The following OSBPL2 variants were observed in gnomAD, a reference collection of about 807,000 sequenced individuals.
OSBPL2 encodes the protein oxysterol binding protein like 2.
In OSBPL2, 18 loss-of-function variants were observed where a neutral mutation model predicts 58.4. That is an observed-to-expected ratio of 0.31 (90% CI 0.21 to 0.46). The LOEUF is 0.46. OSBPL2 is among the 20% of genes least tolerant of loss of function. OSBPL2 has a pLI of 1.00. For missense variants in OSBPL2, 461 were observed against 616.5 expected, an observed-to-expected ratio of 0.75 and a Z score of 2.67; for synonymous variants, 221 against 234.1, an observed-to-expected ratio of 0.94 and a Z score of 0.51.
intron 1 of OSBPL2, among the ~76,000 whole-genome samples, chr20:62,241,143 C>G (rs561457460): frequency 6.6e-6 from 1 of 151,966 alleles, no homozygotes; most frequent in South Asian, 2.1e-4. Flanking sequence ...TCCTCTGTGC[C>G]GTCCAGGAGA....
chr20:62,252,708 C>T (rs1035829943), intron 1 of OSBPL2, among the ~76,000 whole-genome samples: 13 of 152,204 alleles, frequency 8.5e-5, no homozygotes, highest in African/African-American at 2.2e-4. Flanking sequence ...TTAATTAGGT[C>T]GCGGTTCTGC....
intron 1 of OSBPL2, among the ~76,000 whole-genome samples, chr20:62,255,747 C>T (rs778664681): frequency 2.6e-5 from 4 of 152,214 alleles, no homozygotes; most frequent in East Asian, 1.9e-4. Flanking sequence ...TCAAGTGATC[C>T]GCCCACCTCA....
At chr20:62,285,171 T>C (rs2145972171) in intron 10 of OSBPL2, 1 of 152,384 alleles carries the variant, frequency 6.6e-6, no homozygotes, top group East Asian at 1.9e-4. Context: ...TTGTATTCAT[T>C]TGTGCTGTTA....
intron 1 of OSBPL2, among the ~76,000 whole-genome samples, chr20:62,252,389 G>A (rs886387178): frequency 6.6e-6 from 1 of 152,136 alleles, no homozygotes; most frequent in African/African-American, 2.4e-5. Flanking sequence ...GGTCGTGCAT[G>A]GGTTTTGCTA....
Position 62,243,696 on chromosome 20 carries a change from C to T in OSBPL2, c.-129+5099C>T, listed in dbSNP as rs187887518. On this transcript the variant is annotated intron_variant, in intron 1 of 13. Coordinates refer to ENST00000313733, the MANE Select transcript of OSBPL2 (RefSeq NM_144498.4). ...GGGAGGGTCTGGGGTGGGTCCTCAG[C>T]GGGGAGTCCAAGTGCTGGAGGCCCA... Among the ~76,000 whole-genome samples the T allele has an allele frequency of 8.6e-4, 131 of 152,172 alleles. 1 individual carries two copies. In the Middle Eastern group the frequency reaches 0.01, roughly 12 times the overall value.
At chr20:62,289,647 T>G (rs1316403781) in intron 12 of OSBPL2, among the ~76,000 whole-genome samples, 1 of 152,224 alleles carries the variant, frequency 6.6e-6, no homozygotes, top group African/African-American at 2.4e-5. Flanking sequence ...CTCACGCCTA[T>G]AACCCCAGCA....
At chr20:62,291,382 A>T (rs891036519) in intron 12 of OSBPL2, 16 of 394,902 alleles carry the variant, frequency 4.1e-5, no homozygotes, top group Admixed American at 1.8e-4. Flanking sequence ...CTGCTCGCAC[A>T]CCAGGGCATT....
chr20:62,261,600 C>G (rs1475727044), intron 3 of OSBPL2, among the ~76,000 whole-genome samples: 2 of 152,148 alleles, frequency 1.3e-5, no homozygotes, highest in African/African-American at 2.4e-5. Context: ...CTCCTGCATT[C>G]CCCGTTTTCT....
intron 1 of OSBPL2, among the ~76,000 whole-genome samples, chr20:62,246,075 C>T (rs1476874024): frequency 2.0e-5 from 3 of 152,222 alleles, no homozygotes; most frequent in African/African-American, 7.2e-5. Flanking sequence ...GCCATTCCCG[C>T]GTCTCCTCGC....
intron 13 of OSBPL2, among the ~76,000 whole-genome samples, chr20:62,293,401 A>C (rs1983655415): frequency 6.6e-6 from 1 of 152,132 alleles, no homozygotes; most frequent in African/African-American, 2.4e-5. Context: ...GTCCTCAGTT[A>C]AAAAAACCAA....
At chr20:62,240,021 T>A (rs1979617961) in intron 1 of OSBPL2, among the ~76,000 whole-genome samples, 1 of 152,102 alleles carries the variant, frequency 6.6e-6, no homozygotes, top group Admixed American at 6.5e-5. Context: ...CCCGCCTAAT[T>A]TTTTTATTTT....
At chr20:62,280,065 A>G in intron 7 of OSBPL2, 1 of 1,304,336 alleles carries the variant, frequency 7.7e-7, no homozygotes, top group South Asian at 1.2e-5. Context: ...GCCGGCCGCT[A>G]AGACCCGACA....
At chr20:62,261,654 G>T (rs1026481447) in intron 3 of OSBPL2, among the ~76,000 whole-genome samples, 2 of 152,138 alleles carry the variant, frequency 1.3e-5, no homozygotes, top group African/African-American at 2.4e-5. Flanking sequence ...AGGTCCTTCA[G>T]TTCTTCCATT....
chr20:62,262,428 C>G (rs1037840590), intron 3 of OSBPL2, among the ~76,000 whole-genome samples: 1 of 152,200 alleles, frequency 6.6e-6, no homozygotes, highest in African/African-American at 2.4e-5. Flanking sequence ...CATGCAGGGT[C>G]GTATCCTTGG....
chr20:62,243,141 C>T (rs894618612), intron 1 of OSBPL2, among the ~76,000 whole-genome samples: 6 of 152,200 alleles, frequency 3.9e-5, no homozygotes, highest in African/African-American at 1.4e-4. Context: ...CCGATAATGA[C>T]GGCAGGTGTC....
chr20:62,282,392 A>G (rs1014157400), intron 9 of OSBPL2, among the ~76,000 whole-genome samples: 1 of 152,080 alleles, frequency 6.6e-6, no homozygotes, highest in Non-Finnish European at 1.5e-5. Flanking sequence ...CAAATTTTTC[A>G]GTTTTTTTCT....
chr20:62,291,518 G>T (rs1167816389), intron 12 of OSBPL2, 185 bp from the exon 13 acceptor site: 1 of 642,018 alleles, frequency 1.6e-6, no homozygotes, highest in Non-Finnish European at 2.8e-6. Flanking sequence ...GAAGGGCCCT[G>T]TTGGCGTGCC....
chr20:62,265,790 A>G (rs1448745981), intron 4 of OSBPL2, among the ~76,000 whole-genome samples: 1 of 152,152 alleles, frequency 6.6e-6, no homozygotes, highest in Admixed American at 6.6e-5. Flanking sequence ...TAGATGAGGA[A>G]TGTCTTTTGT....
chr20:62,260,183 T>A, intron 3 of OSBPL2, 58 bp downstream of exon 3: 1 of 1,539,742 alleles, frequency 6.5e-7, no homozygotes, highest in Non-Finnish European at 8.9e-7. Context: ...CCAAAAATAC[T>A]CTGCAGGGTA....
Sources: allele counts gnomAD v4.1 joint callset (sites outside exome capture counted in the v4.1 genomes callset), GRCh38; gene constraint gnomAD v4.1.1; transcripts MANE v1.5; gene names NCBI Gene and HGNC (gene_info 2026-07-23, HGNC 2026-07-21).